The following TMEM131 variants were observed in gnomAD, a reference collection of about 807,000 sequenced individuals.
TMEM131 encodes the protein 2610524E03Rik.
TMEM131 carries 66 observed loss-of-function variants against 211.6 expected under a neutral mutation model. The ratio of observed to expected loss-of-function variants is 0.31; its 90% CI spans 0.26 to 0.38. The LOEUF is 0.38. Ranked by LOEUF, TMEM131 falls within the 10% of genes least tolerant of loss-of-function variation. The pLI, the probability that TMEM131 is intolerant of heterozygous loss-of-function variation, is 1.00. For missense variants in TMEM131, 2,036 were observed against 2,299.3 expected, an observed-to-expected ratio of 0.89 and a Z score of 2.34; for synonymous variants, 844 against 841.3, an observed-to-expected ratio of 1.00 and a Z score of -0.06.
At chr2:97,973,393 T>G (rs924661867) in intron 1 of TMEM131, among the ~76,000 whole-genome samples, 1 of 152,214 alleles carries the variant, frequency 6.6e-6, no homozygotes, top group Non-Finnish European at 1.5e-5. Flanking sequence ...AGCCCTATGA[T>G]TGGCCCAGCT....
At chr2:97,907,477 C>T (rs1358817405) in intron 3 of TMEM131, among the ~76,000 whole-genome samples, 1 of 152,116 alleles carries the variant, frequency 6.6e-6, no homozygotes. Context: ...CTGCATTTCG[C>T]TAGTCTGGAG....
chr2:97,884,896 C>T lies in TMEM131; in HGVS notation c.359+3156G>A, dbSNP rs80207098. 3.2e-3 allele frequency among the ~76,000 whole-genome samples: 487 copies of T among 152,266 alleles called. 7 individuals are homozygous for T. The East Asian group carries it at 0.04, about 13-fold the overall frequency. On this transcript the variant is annotated intron_variant, in intron 4 of 40. Transcript: ENST00000186436. ...ATATCTTTTAGATGGGGGAACTGAACCCATTTACATTCAAGGTTATTGATA... is the reference window on the plus strand; with the variant it reads ...ATATCTTTTAGATGGGGGAACTGAATCCATTTACATTCAAGGTTATTGATA...
At position 97,760,782 on chromosome 2, in the gene TMEM131, A is replaced by G; in HGVS notation, c.5011+11T>C. 6.2e-7 allele frequency: 1 copy of G among 1,613,858 alleles called. No homozygotes were observed. The highest frequency in any genetic ancestry group is 8.5e-7 in the Non-Finnish European group (1 of 1,179,768). On this transcript the variant is annotated intron_variant, in intron 37 of 40. Coordinates refer to ENST00000186436, the MANE Select transcript of TMEM131 (RefSeq NM_015348.2). Reference sequence around the variant, plus strand: ...CCTGGCGTGGCAGGTCTCTGAAGCAAAGGCACTGACCTGGGCTCTTGTCGT... The same window carrying G: ...CCTGGCGTGGCAGGTCTCTGAAGCAGAGGCACTGACCTGGGCTCTTGTCGT...
In TMEM131 at chr2:97,795,071, T is replaced by G. The variant is rs767853106; in HGVS notation, c.3245A>C (p.Lys1082Thr). The G allele has an allele frequency of 6.2e-7, 1 of 1,613,872 alleles. No individual in the cohort carries two copies. Residue 1082 changes from lysine to threonine, a missense_variant, in exon 29 of 41, where the codon AAG becomes ACG. Transcript: ENST00000186436. ...CTCAGAGCCACTGGTTGTTATAAAC[T>G]TCAGTTCCCGAATAACTCTAGAAGC... is the stretch of plus-strand genomic sequence containing the variant. ...FTASRVIREL[K>T]FITTSGSEFV...
At chr2:97,821,240 G>T (rs917307986) in intron 11 of TMEM131, among the ~76,000 whole-genome samples, 3 of 152,024 alleles carry the variant, frequency 2.0e-5, no homozygotes, top group African/African-American at 7.2e-5. Context: ...GTCTCTAAAG[G>T]ACTGTAAATG....
chr2:97,923,548 G>A (rs1420888569), intron 2 of TMEM131, among the ~76,000 whole-genome samples: 5 of 150,134 alleles, frequency 3.3e-5, no homozygotes, highest in African/African-American at 9.9e-5. Context: ...CTTGAGCCTG[G>A]GAGGTTGAGA....
chr2:97,758,315 A>G (rs966374514), intron 40 of TMEM131, among the ~76,000 whole-genome samples: 1 of 152,158 alleles, frequency 6.6e-6, no homozygotes, highest in African/African-American at 2.4e-5. Context: ...GTGGGGTCAT[A>G]TTTTTCTGTC....
At chr2:97,757,518 T>A in intron 40 of TMEM131, 135 bp from the exon 41 acceptor site, 1 of 1,005,828 alleles carries the variant, frequency 9.9e-7, no homozygotes, top group South Asian at 1.8e-5. Context: ...ACAAATGTTA[T>A]ATATATGTAT....
At chr2:97,858,718 C>A (rs1392592533) in intron 5 of TMEM131, among the ~76,000 whole-genome samples, 5 of 152,140 alleles carry the variant, frequency 3.3e-5, no homozygotes, top group Admixed American at 3.3e-4. Flanking sequence ...TGAGAAGGAA[C>A]CTGGAGGCCC....
intron 18 of TMEM131, among the ~76,000 whole-genome samples, chr2:97,810,458 A>AT (rs989613888): frequency 1.8e-4 from 28 of 152,102 alleles, no homozygotes; most frequent in African/African-American, 3.6e-4. Context: ...TTATAATTAC[A>AT]TTTTTTTTCC....
intron 11 of TMEM131, among the ~76,000 whole-genome samples, chr2:97,826,686 A>G (rs1682403274): frequency 6.6e-6 from 1 of 152,162 alleles, no homozygotes; most frequent in East Asian, 1.9e-4. Context: ...GAGAGACAAA[A>G]AAGAAGTCAA....
intron 2 of TMEM131, among the ~76,000 whole-genome samples, chr2:97,914,939 A>G (rs1381939700): frequency 2.0e-5 from 3 of 152,260 alleles, no homozygotes; most frequent in Admixed American, 2.0e-4. Flanking sequence ...GTTTAGATTT[A>G]TACGAAACTG....
intron 1 of TMEM131, among the ~76,000 whole-genome samples, chr2:97,979,929 GGA>G (rs1485361221): frequency 6.6e-6 from 1 of 152,122 alleles, no homozygotes; most frequent in Non-Finnish European, 1.5e-5. Flanking sequence ...GATTTATAAG[GGA>G]GAGGTGTGAC....
chr2:97,767,799 C>T (rs1166204825), intron 33 of TMEM131, among the ~76,000 whole-genome samples: 1 of 152,210 alleles, frequency 6.6e-6, no homozygotes, highest in African/African-American at 2.4e-5. Context: ...CCCCATCCTC[C>T]AAGTTCTTCA....
intron 4 of TMEM131, among the ~76,000 whole-genome samples, chr2:97,875,810 A>T (rs923776850): frequency 6.6e-6 from 1 of 152,252 alleles, no homozygotes; most frequent in Admixed American, 6.5e-5. Flanking sequence ...TAGAAGAACT[A>T]GAGAAGCAAC....
chr2:97,784,671 A>G (rs1573355741), intron 31 of TMEM131, among the ~76,000 whole-genome samples: 1 of 152,190 alleles, frequency 6.6e-6, no homozygotes, highest in South Asian at 2.1e-4. Flanking sequence ...ATTAACAATT[A>G]AAGCTTCCAC....
At position 97,943,529 on chromosome 2, in the gene TMEM131, A is replaced by G. The variant is rs1677897852; in HGVS notation, c.188-16042T>C. Among the ~76,000 whole-genome samples the G allele has an allele frequency of 3.3e-5, 5 of 152,236 alleles. No individual in the cohort carries two copies. The South Asian group carries it at 1.0e-3, about 32-fold the overall frequency. On this transcript the variant is annotated intron_variant, in intron 1 of 40. Transcript: ENST00000186436. ...CTGAAAAAAATTTTAAAAGACCTAAATAGAAAGATATCTGGTATTCATAAG... is the reference window on the plus strand; with the variant it reads ...CTGAAAAAAATTTTAAAAGACCTAAGTAGAAAGATATCTGGTATTCATAAG...
At chr2:97,898,751 T>G (rs1450814734) in intron 3 of TMEM131, among the ~76,000 whole-genome samples, 1 of 152,222 alleles carries the variant, frequency 6.6e-6, no homozygotes, top group Non-Finnish European at 1.5e-5. Flanking sequence ...GTTGTACTTT[T>G]GTTTTCAAAG....
chr2:97,882,455 CTT>C (rs200728918), intron 4 of TMEM131, among the ~76,000 whole-genome samples: 4 of 152,194 alleles, frequency 2.6e-5, no homozygotes, highest in African/African-American at 9.6e-5. Context: ...GAGTCTGTGA[CTT>C]TGTCACTGGG....
Sources: allele counts gnomAD v4.1 joint callset (sites outside exome capture counted in the v4.1 genomes callset), GRCh38; gene constraint gnomAD v4.1.1; transcripts MANE v1.5; gene names NCBI Gene and HGNC (gene_info 2026-07-23, HGNC 2026-07-21).